PDE4D: variants seen among roughly 807,000 people sequenced by gnomAD.
The protein encoded by PDE4D is 3',5'-cyclic-AMP phosphodiesterase 4D.
In PDE4D, 24 loss-of-function variants were observed where a neutral mutation model predicts 87.4. That is an observed-to-expected ratio of 0.27 (90% CI 0.20 to 0.39). The LOEUF (loss-of-function observed/expected upper bound fraction) is 0.39, where lower values mean the gene tolerates loss of function less well. PDE4D is among the 10% of genes least tolerant of loss of function. The pLI is 1.00. For missense variants in PDE4D, 714 were observed against 1,041.0 expected (o/e 0.69, Z 4.32); for synonymous variants, 384 against 383.2 (o/e 1.00, Z -0.02).
chr5:59,796,678 C>A (rs1431595132), intron 1 of PDE4D, among the ~76,000 whole-genome samples: 1 of 152,196 alleles, frequency 6.6e-6, no homozygotes, highest in East Asian at 1.9e-4. Context: ...AACATATGTA[C>A]TTGTTTGCTT....
chr5:59,680,934 TGGATATA>T (rs1748896938), intron 1 of PDE4D, among the ~76,000 whole-genome samples: 1 of 152,246 alleles, frequency 6.6e-6, no homozygotes, highest in East Asian at 1.9e-4. Flanking sequence ...AATATACCCA[TGGATATA>T]GGTATGTGTG....
At chr5:59,039,224 A>G in intron 5 of PDE4D, 1 of 1,266,830 alleles carries the variant, frequency 7.9e-7, no homozygotes, top group Non-Finnish European at 1.0e-6. Flanking sequence ...GAGGGCGTGC[A>G]AAGAGCGGCG....
At chr5:59,538,556 T>C (rs1815703182) in intron 1 of PDE4D, among the ~76,000 whole-genome samples, 1 of 152,166 alleles carries the variant, frequency 6.6e-6, no homozygotes, top group South Asian at 2.1e-4. Context: ...TAAATCTCTT[T>C]ACTTTTCATT....
intron 2 of PDE4D, among the ~76,000 whole-genome samples, chr5:60,106,115 C>T (rs1283170818): frequency 6.6e-6 from 1 of 151,938 alleles, no homozygotes; most frequent in East Asian, 1.9e-4. Flanking sequence ...GGAAACCCAT[C>T]TCACGTGCAG....
At chr5:60,073,338 C>T (rs1321512149) in intron 2 of PDE4D, among the ~76,000 whole-genome samples, 2 of 152,056 alleles carry the variant, frequency 1.3e-5, no homozygotes, top group Non-Finnish European at 2.9e-5. Flanking sequence ...GTTGAACCAA[C>T]CTTGCCTCCC....
Position 59,726,755 on chromosome 5 carries a change from C to A in PDE4D, c.455+166413G>T, listed in dbSNP as rs951803866. On this transcript the variant is annotated intron_variant, in intron 1 of 14. Transcript: ENST00000340635. Reference sequence around the variant, plus strand: ...AAAGGAATAAAATCTGTATGAGAAACAATATAACTTTTCAACAGTATGAAG... The same window carrying A: ...AAAGGAATAAAATCTGTATGAGAAAAAATATAACTTTTCAACAGTATGAAG... Among the ~76,000 whole-genome samples the A allele has an allele frequency of 3.9e-5, 6 of 152,114 alleles. No homozygotes were observed. The East Asian group carries it at 9.6e-4, about 24-fold the overall frequency.
chr5:60,131,294 A>G (rs1779553518), intron 2 of PDE4D, among the ~76,000 whole-genome samples: 2 of 152,178 alleles, frequency 1.3e-5, no homozygotes, highest in South Asian at 4.1e-4. Flanking sequence ...TAAGTAGAGA[A>G]GGATAAAGCT....
intron 1 of PDE4D, among the ~76,000 whole-genome samples, chr5:60,285,144 C>T (rs1752299371): frequency 6.6e-6 from 1 of 152,046 alleles, no homozygotes. Context: ...ATTTAGTTTT[C>T]ACATAAACAC....
At chr5:60,020,440 C>T (rs1170767430) in intron 2 of PDE4D, among the ~76,000 whole-genome samples, 1 of 152,124 alleles carries the variant, frequency 6.6e-6, no homozygotes, top group Non-Finnish European at 1.5e-5. Context: ...ATCTGTCAAG[C>T]ACCATAAAGC....
chr5:59,658,250 A>G (rs1395069364), intron 1 of PDE4D, among the ~76,000 whole-genome samples: 2 of 152,208 alleles, frequency 1.3e-5, no homozygotes, highest in Middle Eastern at 6.3e-3. Flanking sequence ...AGATTAAAAA[A>G]AAACCATGAA....
intron 1 of PDE4D, among the ~76,000 whole-genome samples, chr5:59,822,675 G>C (rs1317450849): frequency 1.3e-5 from 2 of 152,110 alleles, no homozygotes; most frequent in Admixed American, 1.3e-4. Context: ...ATTTTACAAG[G>C]ACTGCTGAAA....
At chr5:59,401,464 C>T (rs182148410) in intron 1 of PDE4D, among the ~76,000 whole-genome samples, 1 of 142,354 alleles carries the variant, frequency 7.0e-6, no homozygotes, top group Admixed American at 7.1e-5. Context: ...ATCTATCTAT[C>T]TATCTATCTA....
At chr5:60,189,718 C>T (rs1274353032) in intron 1 of PDE4D, among the ~76,000 whole-genome samples, 1 of 152,182 alleles carries the variant, frequency 6.6e-6, no homozygotes, top group Non-Finnish European at 1.5e-5. Context: ...TTTTCTTCTA[C>T]ATAGTAAGTC....
At chr5:59,394,671 G>A (rs1200092009) in intron 1 of PDE4D, among the ~76,000 whole-genome samples, 2 of 152,106 alleles carry the variant, frequency 1.3e-5, no homozygotes, top group Non-Finnish European at 2.9e-5. Context: ...CATATACAAG[G>A]CACAGTTCCA....
chr5:59,286,851 T>C (rs973973743), intron 1 of PDE4D, among the ~76,000 whole-genome samples: 2 of 152,220 alleles, frequency 1.3e-5, no homozygotes, highest in African/African-American at 4.8e-5. Context: ...TTTACTTTAC[T>C]ATGTTGGTTC....
chr5:59,526,476 T>C (rs1372763970), intron 1 of PDE4D, among the ~76,000 whole-genome samples: 1 of 152,178 alleles, frequency 6.6e-6, no homozygotes, highest in African/African-American at 2.4e-5. Context: ...CTCTCCACTT[T>C]TAAAATCAGG....
intron 3 of PDE4D, among the ~76,000 whole-genome samples, chr5:59,947,535 T>C (rs992598002): frequency 6.6e-6 from 1 of 152,198 alleles, no homozygotes; most frequent in Non-Finnish European, 1.5e-5. Flanking sequence ...TGTCTAGATG[T>C]TTAGTTCATC....
At chr5:59,038,832 A>G in intron 6 of PDE4D, 27 bp downstream of exon 6, 2 of 1,459,600 alleles carry the variant, frequency 1.4e-6, no homozygotes, top group South Asian at 2.9e-5. Context: ...GCCTGGGGGC[A>G]CCAGTGACAG....
At chr5:60,491,523 C>A (rs2150235176), upstream of PDE4D, 1 of 152,290 alleles carries the variant, frequency 6.6e-6, no homozygotes, top group African/African-American at 2.4e-5. Context: ...CATAAACCAT[C>A]AACTTTTAGT....
Sources: gnomAD v4.1 joint callset for allele counts (sites outside exome capture counted in the v4.1 genomes callset) on GRCh38, gnomAD v4.1.1 for gene constraint, MANE v1.5 for transcripts, NCBI Gene and HGNC (gene_info 2026-07-23, HGNC 2026-07-21) for gene names.